GRIK1: variants seen among roughly 807,000 people sequenced by gnomAD.
GRIK1 encodes the protein glutamate receptor ionotropic, kainate 1.
Under a neutral mutation model 105.7 loss-of-function variants are expected in GRIK1, and 69 were observed. That is an observed-to-expected ratio of 0.65 (90% CI 0.54 to 0.80). GRIK1 has a LOEUF of 0.80. Ranked by LOEUF, GRIK1 falls within the 30% of genes least tolerant of loss-of-function variation. The pLI is 0.00. For synonymous variants in GRIK1, 438 were observed against 431.3 expected (o/e 1.02, Z -0.19); for missense variants, 1,109 against 1,167.3 (o/e 0.95, Z 0.73).
At chr21:29,656,330 C>T (rs1397204103) in intron 4 of GRIK1, among the ~76,000 whole-genome samples, 1 of 124,760 alleles carries the variant, frequency 8.0e-6, no homozygotes, top group Non-Finnish European at 1.6e-5. Context: ...CACTGCACTC[C>T]AGCCTGGGGG....
intron 4 of GRIK1, among the ~76,000 whole-genome samples, chr21:29,658,162 A>G (rs187574278): frequency 6.6e-6 from 1 of 152,198 alleles, no homozygotes; most frequent in African/African-American, 2.4e-5. Context: ...CACACACACT[A>G]AAATGTAATA....
intron 2 of GRIK1, among the ~76,000 whole-genome samples, 179 bp from the exon 3 acceptor site, chr21:29,690,164 T>A (rs1212261853): frequency 6.6e-6 from 1 of 152,232 alleles, no homozygotes; most frequent in Non-Finnish European, 1.5e-5. Context: ...AACTTCCAAC[T>A]TTCTTGAGCT....
intron 3 of GRIK1, among the ~76,000 whole-genome samples, chr21:29,680,294 C>T (rs907282724): frequency 8.5e-5 from 13 of 152,210 alleles, no homozygotes; most frequent in Non-Finnish European, 2.9e-5. Flanking sequence ...GGAAAGAGGA[C>T]ATGATCATAT....
At chr21:29,647,887 G>A (rs573017147) in intron 6 of GRIK1, among the ~76,000 whole-genome samples, 1 of 152,048 alleles carries the variant, frequency 6.6e-6, no homozygotes, top group Non-Finnish European at 1.5e-5. Context: ...TTTCAACTCC[G>A]TTGACTCAGT....
intron 1 of GRIK1, among the ~76,000 whole-genome samples, chr21:29,753,212 TTATC>T (rs1387431312): frequency 1.3e-5 from 2 of 152,300 alleles, no homozygotes; most frequent in African/African-American, 4.8e-5. Flanking sequence ...ATAAAATAAA[TTATC>T]TAGTGCGATG....
rs547071164 is a variant in GRIK1 at position 29,554,073 on chromosome 21, C to G, written c.2607+979G>C. 7.2e-5 allele frequency among the ~76,000 whole-genome samples: 11 copies of G among 152,232 alleles called. 1 individual carries two copies. The South Asian group carries it at 2.3e-3, about 32-fold the overall frequency. On this transcript the variant is annotated intron_variant, in intron 16 of 17. Coordinates refer to ENST00000327783, the MANE Select transcript of GRIK1 (RefSeq NM_001330994.2). ...TTTGGGCCCTTAAGGAGGGCTTCCA[C>G]TTAAAGAAAGTGGATCTATTATCAG...
intron 4 of GRIK1, among the ~76,000 whole-genome samples, chr21:29,660,263 G>A (rs1341558788): frequency 6.6e-6 from 1 of 152,142 alleles, no homozygotes; most frequent in African/African-American, 2.4e-5. Flanking sequence ...TGTACGGCCT[G>A]AGCAGCACCA....
chr21:29,706,035 G>A (rs895646306), intron 1 of GRIK1, among the ~76,000 whole-genome samples: 2 of 151,700 alleles, frequency 1.3e-5, no homozygotes, highest in African/African-American at 2.4e-5. Context: ...CACCACACCC[G>A]GCTAGTTTTT....
At chr21:29,866,415 A>G (rs79947909) in intron 1 of GRIK1, among the ~76,000 whole-genome samples, 2,212 of 152,226 alleles carry the variant, frequency 0.015, 58 homozygotes, top group African/African-American at 0.05. Flanking sequence ...TTTTAAAGGA[A>G]GCACATGAAA....
intron 1 of GRIK1, among the ~76,000 whole-genome samples, chr21:29,814,320 G>GGCA (rs1411042472): frequency 6.6e-6 from 1 of 151,800 alleles, no homozygotes; most frequent in Admixed American, 6.6e-5. Flanking sequence ...AGGAGAGATA[G>GGCA]GCAGATGCAT....
chr21:29,736,705 T>C (rs1276026216), intron 1 of GRIK1, among the ~76,000 whole-genome samples: 2 of 149,818 alleles, frequency 1.3e-5, no homozygotes, highest in Non-Finnish European at 3.0e-5. Context: ...TGAGATGGAG[T>C]CTTGCTCTGT....
Position 29,598,820 on chromosome 21 carries a change from A to G in GRIK1, c.1206+10T>C, listed in dbSNP as rs184207020. On this transcript the variant is annotated intron_variant, in intron 8 of 17. Coordinates refer to ENST00000327783, the MANE Select transcript of GRIK1 (RefSeq NM_001330994.2). Reference sequence around the variant, plus strand: ...TTGTTATTTTATTTATTTATTGTTAAGGAGGTTACCTTTTCAGTTCCTTCC... The same window carrying G: ...TTGTTATTTTATTTATTTATTGTTAGGGAGGTTACCTTTTCAGTTCCTTCC... The G allele has an allele frequency of 7.9e-6, 9 of 1,146,250 alleles. No individual in the cohort carries two copies. In the East Asian group the frequency reaches 1.7e-4, roughly 21 times the overall value. The allele number at this position is 1,146,250 out of a possible 1,614,324, so 71.0% of individuals were successfully genotyped here.
At chr21:29,774,262 A>G (rs1472056426) in intron 1 of GRIK1, among the ~76,000 whole-genome samples, 1 of 152,190 alleles carries the variant, frequency 6.6e-6, no homozygotes, top group Non-Finnish European at 1.5e-5. Context: ...CACTAACCAT[A>G]TGAATACAAC....
At chr21:29,831,033 T>C (rs1290648373) in intron 1 of GRIK1, among the ~76,000 whole-genome samples, 1 of 152,160 alleles carries the variant, frequency 6.6e-6, no homozygotes, top group Non-Finnish European at 1.5e-5. Context: ...TAAAAATGCT[T>C]ATGGTGAAAA....
chr21:29,587,432 G>C lies in GRIK1; in HGVS notation c.1727C>G (p.Pro576Arg), dbSNP rs2091152976. The C allele has an allele frequency of 1.2e-6, 2 of 1,613,734 alleles. No individual in the cohort carries two copies. Among genetic ancestry groups the C allele is most frequent in the Non-Finnish European group, 1.7e-6 (2 of 1,179,796 alleles). The change falls in exon 12 of 18, where the codon CCA becomes CGA. Residue 576 changes from proline to arginine, a missense_variant. Physicochemically the swap from Pro to Arg is moderately radical, Grantham distance 103 (BLOSUM62 -2). This residue lies in a region of GRIK1 where 264 missense variants were observed against 306.9 expected (regional missense o/e 0.86). Transcript: ENST00000327783. ...TAAGAGCACATACATCCAAATATCT[G>C]GAGACAGGGGGTTGAGGAAGGAGAA... ...GVFSFLNPLS[P>R]DIWMYVLLAC...
chr21:29,537,193 A>G lies in GRIK1; in HGVS notation c.*37T>C. Reference sequence around the variant, plus strand: ...ATCCTTTCTCCAAAAATCTGTAGGGAATGCATCCTTTTTCTTCCTACAGGC... The same window carrying G: ...ATCCTTTCTCCAAAAATCTGTAGGGGATGCATCCTTTTTCTTCCTACAGGC... On this transcript the variant is annotated 3_prime_UTR_variant, in exon 18 of 18. Transcript: ENST00000327783. The G allele has an allele frequency of 6.8e-7, 1 of 1,481,054 alleles. No individual in the cohort carries two copies. The highest frequency in any genetic ancestry group is 9.1e-7 in the Non-Finnish European group (1 of 1,096,652). 91.7% of individuals were successfully genotyped at this position (1,481,054 alleles called of 1,614,324 possible).
chr21:29,933,167 C>G (rs2071633137), intron 1 of GRIK1, among the ~76,000 whole-genome samples: 1 of 151,934 alleles, frequency 6.6e-6, no homozygotes. Flanking sequence ...GTTCCGGGTA[C>G]ATGGGCAGTA....
intron 1 of GRIK1, among the ~76,000 whole-genome samples, chr21:29,781,657 C>CTTTTT (rs71191125): frequency 4.9e-3 from 338 of 69,314 alleles, no homozygotes; most frequent in Middle Eastern, 0.053. Context: ...CCTACTGTTT[C>CTTTTT]TTTTTTTTTT....
chr21:29,681,875 G>A (rs1231144973), intron 3 of GRIK1, among the ~76,000 whole-genome samples: 1 of 152,202 alleles, frequency 6.6e-6, no homozygotes, highest in Non-Finnish European at 1.5e-5. Flanking sequence ...TGAAGATGAA[G>A]AAACAGATGA....
Sources: gnomAD v4.1 joint callset for allele counts (sites outside exome capture counted in the v4.1 genomes callset) on GRCh38, gnomAD v4.1.1 for gene constraint, gnomAD v4.1.1 regional missense constraint, MANE v1.5 for transcripts, NCBI Gene and HGNC (gene_info 2026-07-23, HGNC 2026-07-21) for gene names.